Variants in IMP4 observed in about 807,000 individuals in gnomAD.
The protein encoded by IMP4 is U3 small nucleolar ribonucleoprotein IMP4.
A neutral mutation model predicts 42.7 loss-of-function variants in IMP4; 30 were observed. The observed-to-expected ratio is 0.70, with a 90% confidence interval of 0.53 to 0.95. The LOEUF (loss-of-function observed/expected upper bound fraction) is 0.95, where lower values mean the gene tolerates loss of function less well. IMP4 is among the 40% of genes least tolerant of loss of function. The pLI is 0.00. For missense variants in IMP4, 382 were observed against 411.4 expected (o/e 0.93, Z 0.62); for synonymous variants, 165 against 165.2 (o/e 1.00, Z 0.01).
Position 130,346,951 on chromosome 2 carries a change from G to A in IMP4, c.*483G>A, listed in dbSNP as rs55872863. ...TTCCTCATGTAAGTGGCATCATGTG[G>A]TATTTGTTTTGTGTCTGGCTTATTT... On this transcript the variant is annotated 3_prime_UTR_variant, in exon 9 of 9. Coordinates refer to ENST00000259239, the MANE Select transcript of IMP4 (RefSeq NM_033416.3). 0.13 allele frequency: 22,659 copies of A among 172,398 alleles called. 1,970 individuals carry two copies. The highest frequency in any genetic ancestry group is 0.19 in the Non-Finnish European group (15,133 of 78,578). 10.7% of individuals were successfully genotyped at this position (172,398 alleles called of 1,614,324 possible).
In IMP4 at chr2:130,343,476, T is replaced by C. The variant is rs1451913666; in HGVS notation, c.112+282T>C. Reference sequence around the variant, plus strand: ...CCTGTAGAAATTCTCTTTAGAGCGGTGGCTCACTGCTGTAATCCCAGCACT... The same window carrying C: ...CCTGTAGAAATTCTCTTTAGAGCGGCGGCTCACTGCTGTAATCCCAGCACT... On this transcript the variant is annotated intron_variant, in intron 2 of 8. Coordinates refer to ENST00000259239, the MANE Select transcript of IMP4 (RefSeq NM_033416.3). 1.9e-5 allele frequency: 11 copies of C among 576,182 alleles called. No individual in the cohort carries two copies. The African/African-American group carries it at 2.0e-4, about 11-fold the overall frequency. The allele number at this position is 576,182 out of a possible 1,614,324, so 35.7% of individuals were successfully genotyped here.
chr2:130,346,080 C>T lies in IMP4; in HGVS notation c.657C>T (p.Thr219=). 6.2e-7 allele frequency: 1 copy of T among 1,614,244 alleles called. No individual in the cohort carries two copies. The highest frequency in any genetic ancestry group is 1.1e-5 in the South Asian group (1 of 91,086). ...VPKDDSHRVI[T]FANQDDYISF... is the part of the protein sequence containing the mutation. ...AAGATGACAGCCACCGGGTCATCACCTTCGCAAACCAGGACGACTACATAT... is the reference window on the plus strand; with the variant it reads ...AAGATGACAGCCACCGGGTCATCACTTTCGCAAACCAGGACGACTACATAT... Residue 219 remains threonine (T), a synonymous_variant, in exon 7 of 9, where the codon ACC becomes ACT. Transcript: ENST00000259239.
rs1679312462 is a variant in IMP4, at chr2:130,344,118, G to C, written c.113-511G>C. On this transcript the variant is annotated intron_variant, in intron 2 of 8. Transcript: ENST00000259239. Reference sequence around the variant, plus strand: ...CCGAAGCGGGTGGATCACGAGGTCAGGAGATCGAGACCATCCTGGCTAACA... The same window carrying C: ...CCGAAGCGGGTGGATCACGAGGTCACGAGATCGAGACCATCCTGGCTAACA... Among the ~76,000 whole-genome samples, 3 of 152,368 alleles carry C rather than the reference G, an allele frequency of 2.0e-5. No individual in the cohort carries two copies. In the South Asian group the frequency reaches 6.2e-4, roughly 32 times the overall value.
intron 3 of IMP4, 27 bp downstream of exon 3, chr2:130,344,739 A>G (rs774636683): frequency 2.9e-5 from 44 of 1,502,420 alleles, no homozygotes; most frequent in East Asian, 4.5e-5. Context: ...GCCCTCCCCA[A>G]CACTGAGCTG....
rs1468084774 is a variant in IMP4 at position 130,343,027 on chromosome 2, C to CTCCGGGGT, written c.4-51_4-44dup. On this transcript the variant is annotated intron_variant, in intron 1 of 8. Coordinates refer to ENST00000259239, the MANE Select transcript of IMP4 (RefSeq NM_033416.3). ...ACTTGGAGGCTCAGCGGCTCCGGGG[C>CTCCGGGGT]TCCGGGGTTCCGGGGCTCGGGAGCG... The CTCCGGGGT allele has an allele frequency of 3.1e-6, 5 of 1,605,464 alleles. No individual in the cohort carries two copies. The African/African-American group carries it at 4.0e-5, about 13-fold the overall frequency.
In IMP4 at chr2:130,346,873, C is replaced by T. The variant is rs149153568; in HGVS notation, c.*405C>T. On this transcript the variant is annotated 3_prime_UTR_variant, in exon 9 of 9. Coordinates refer to ENST00000259239, the MANE Select transcript of IMP4 (RefSeq NM_033416.3). ...CCAAGTTAACTCACTGAGTGGAAGC[C>T]GCCAGTGTGCCAACGCGGAGGGGAC... 7.2e-5 allele frequency: 19 copies of T among 263,620 alleles called. No homozygotes were observed. The highest frequency in any genetic ancestry group is 3.3e-4 in the African/African-American group (15 of 46,052). The allele number at this position is 263,620 out of a possible 1,614,324, so 16.3% of individuals were successfully genotyped here. A position where few individuals can be genotyped will look rare whatever the true frequency, so the allele number is the denominator to read the frequency against.
intron 1 of IMP4, 45 bp downstream of exon 1, chr2:130,342,980 T>C: frequency 6.2e-7 from 1 of 1,613,848 alleles, no homozygotes; most frequent in Non-Finnish European, 8.5e-7. Flanking sequence ...GCGCGTGAAG[T>C]GCTGGGGATG....
rs1434973318 is a variant in IMP4 at position 130,346,843 on chromosome 2, G to A, written c.*375G>A. 3 of 289,900 alleles carry A rather than the reference G, an allele frequency of 1.0e-5. No individual in the cohort carries two copies. The highest frequency in any genetic ancestry group is 2.0e-5 in the Non-Finnish European group (3 of 148,812). 18.0% of individuals were successfully genotyped at this position (289,900 alleles called of 1,614,324 possible). ...GCAGGGCCAGCCTGTGTCAGGGGCA[G>A]CCCACCAAGTTAACTCACTGAGTGG... On this transcript the variant is annotated 3_prime_UTR_variant, in exon 9 of 9. Transcript: ENST00000259239.
At position 130,345,286 on chromosome 2, in the gene IMP4, A is replaced by T; in HGVS notation, c.197-90A>T. 1.0e-6 allele frequency: 1 copy of T among 962,224 alleles called. No individual in the cohort carries two copies. The highest frequency in any genetic ancestry group is 1.6e-6 in the Non-Finnish European group (1 of 611,916). 59.6% of individuals were successfully genotyped at this position (962,224 alleles called of 1,614,324 possible). On this transcript the variant is annotated intron_variant, in intron 3 of 8. Transcript: ENST00000259239. This position sits in a 1 kb window ranked among gnomAD's most constrained non-coding sequence, Gnocchi z 4.9. ...CATTCCTATTGTTGAAGGCTTCGGCAGACAGCGACATCCAGGCGGTCTTGG... is the reference window on the plus strand; with the variant it reads ...CATTCCTATTGTTGAAGGCTTCGGCTGACAGCGACATCCAGGCGGTCTTGG...
Position 130,347,399 on chromosome 2 carries a change from T to C in IMP4, c.*931T>C, listed in dbSNP as rs914292589. On this transcript the variant is annotated 3_prime_UTR_variant, in exon 9 of 9. Coordinates refer to ENST00000259239, the MANE Select transcript of IMP4 (RefSeq NM_033416.3). ...AACAGGTATGAGGTGATCTCTCTCA[T>C]TGCGGTTTTGATTTGCATTTCCCTA... is the stretch of plus-strand genomic sequence containing the variant. The C allele has an allele frequency of 2.6e-5, 4 of 152,212 alleles. No homozygotes were observed. Among genetic ancestry groups the C allele is most frequent in the Non-Finnish European group, 5.9e-5 (4 of 68,030 alleles). The allele number at this position is 152,212 out of a possible 1,614,324, so 9.4% of individuals were successfully genotyped here. A position where few individuals can be genotyped will look rare whatever the true frequency, so the allele number is the denominator to read the frequency against.
In IMP4 at chr2:130,345,763, C is replaced by T. The variant is rs771959858; in HGVS notation, c.440-16C>T. On this transcript the variant is annotated splice_polypyrimidine_tract_variant and intron_variant, in intron 5 of 8. Transcript: ENST00000259239. This position sits in a 1 kb window ranked among gnomAD's most constrained non-coding sequence, Gnocchi z 4.9. ...GAGGGCAGACGGGGTCTCTGACAGCCACCTTTCCCCGCCAGTGGGGCTCAT... is the reference window on the plus strand; with the variant it reads ...GAGGGCAGACGGGGTCTCTGACAGCTACCTTTCCCCGCCAGTGGGGCTCAT... 4 of 1,612,820 alleles carry T rather than the reference C, an allele frequency of 2.5e-6. No individual in the cohort carries two copies. Among genetic ancestry groups the T allele is most frequent in the Non-Finnish European group, 3.4e-6 (4 of 1,179,928 alleles).
rs372655948 is a variant in IMP4 at position 130,344,602 on chromosome 2, C to T, written c.113-27C>T. ...CTGAGGTCTCCATGCTTGTGACTCA[C>T]TCAGCCCCTCTCTCTTCCCTCTGCA... On this transcript the variant is annotated intron_variant, in intron 2 of 8. Transcript: ENST00000259239. The T allele has an allele frequency of 1.8e-5, 27 of 1,534,908 alleles. No homozygotes were observed. In the East Asian group the frequency reaches 4.0e-4, roughly 23 times the overall value.
Position 130,346,742 on chromosome 2 carries a change from C to A in IMP4, c.*274C>A. ...GGCCTGGAGTCAGTGTGGGGGTTAA[C>A]AGAGAGAGAGATTTGATGCTAACGT... On this transcript the variant is annotated 3_prime_UTR_variant, in exon 9 of 9. Transcript: ENST00000259239. The A allele has an allele frequency of 1.9e-6, 1 of 523,284 alleles. No homozygotes were observed. Among genetic ancestry groups the A allele is most frequent in the Non-Finnish European group, 3.5e-6 (1 of 287,832 alleles). The allele number at this position is 523,284 out of a possible 1,614,324, so 32.4% of individuals were successfully genotyped here. A position where few individuals can be genotyped will look rare whatever the true frequency, so the allele number is the denominator to read the frequency against.
intron 2 of IMP4, 44 bp from the exon 3 acceptor site, chr2:130,344,585 T>C: frequency 3.1e-6 from 4 of 1,299,568 alleles, no homozygotes; most frequent in Non-Finnish European, 4.5e-6. Context: ...AGCTGAGGTC[T>C]CCATGCTTGT....
At position 130,344,662 on chromosome 2, in the gene IMP4, A is replaced by AG; in HGVS notation, c.148dup (p.Ala50GlyfsTer11). On this transcript the variant is annotated frameshift_variant, in exon 3 of 9. Coordinates refer to ENST00000259239, the MANE Select transcript of IMP4 (RefSeq NM_033416.3). LOFTEE classifies it high-confidence loss of function. ...CTGATTCCCACTGAGTTACGCCGAG[A>AG]GGCTCTGGCCTTACAGGGGTCCCTG... 1 of 1,614,064 alleles carries AG rather than the reference A, an allele frequency of 6.2e-7. No homozygotes were observed. Among genetic ancestry groups the AG allele is most frequent in the Non-Finnish European group, 8.5e-7 (1 of 1,179,934 alleles).
rs921578849 is a variant in IMP4 at position 130,347,133 on chromosome 2, A to G, written c.*665A>G. The G allele has an allele frequency of 4.6e-5, 7 of 153,310 alleles. No homozygotes were observed. Among genetic ancestry groups the G allele is most frequent in the Admixed American group, 4.5e-4 (7 of 15,540 alleles). 9.5% of individuals were successfully genotyped at this position (153,310 alleles called of 1,614,324 possible). On this transcript the variant is annotated 3_prime_UTR_variant, in exon 9 of 9. Transcript: ENST00000259239. ...TTGGCAGTTGTGGAAATGCTGCAGT[A>G]AACATGGGAGTATAGCTATCTTTTG...
Position 130,345,091 on chromosome 2 carries a change from C to T in IMP4, c.197-285C>T, listed in dbSNP as rs1679419116. On this transcript the variant is annotated intron_variant, in intron 3 of 8. Coordinates refer to ENST00000259239, the MANE Select transcript of IMP4 (RefSeq NM_033416.3). This position sits in a 1 kb window ranked among gnomAD's most constrained non-coding sequence, Gnocchi z 4.9. ...AGGGAAAAGAGTTTGTCACCGTTGG[C>T]CTTAGCAGAGTGTGGATTTCGTTGT... 1.8e-6 allele frequency: 1 copy of T among 563,574 alleles called. No homozygotes were observed. The highest frequency in any genetic ancestry group is 3.1e-5 in the Admixed American group (1 of 32,378). The allele number at this position is 563,574 out of a possible 1,614,324, so 34.9% of individuals were successfully genotyped here. A position where few individuals can be genotyped will look rare whatever the true frequency, so the allele number is the denominator to read the frequency against.
Position 130,346,044 on chromosome 2 carries a change from T to C in IMP4, c.621T>C (p.Phe207=). The C allele has an allele frequency of 1.2e-6, 2 of 1,614,108 alleles. No individual in the cohort carries two copies. The highest frequency in any genetic ancestry group is 2.2e-5 in the South Asian group (2 of 91,078). Residue 207 remains phenylalanine (F), a synonymous_variant, in exon 7 of 9, where the codon TTT becomes TTC. Coordinates refer to ENST00000259239, the MANE Select transcript of IMP4 (RefSeq NM_033416.3). ...TCTCTGACATCCTCCGATACCTATT[T>C]CCCGTGCCCAAAGATGACAGCCACC... ...KRVSDILRYL[F]PVPKDDSHRV...
At position 130,345,085 on chromosome 2, in the gene IMP4, C is replaced by A; in HGVS notation, c.197-291C>A. ...GTTACGAGGGAAAAGAGTTTGTCAC[C>A]GTTGGCCTTAGCAGAGTGTGGATTT... On this transcript the variant is annotated intron_variant, in intron 3 of 8. Coordinates refer to ENST00000259239, the MANE Select transcript of IMP4 (RefSeq NM_033416.3). This position sits in a 1 kb window ranked among gnomAD's most constrained non-coding sequence, Gnocchi z 4.9. The A allele has an allele frequency of 1.8e-6, 1 of 554,912 alleles. No homozygotes were observed. The highest frequency in any genetic ancestry group is 3.1e-5 in the East Asian group (1 of 32,728). 34.4% of individuals were successfully genotyped at this position (554,912 alleles called of 1,614,324 possible).
Sources: allele counts gnomAD v4.1 joint callset (sites outside exome capture counted in the v4.1 genomes callset), GRCh38; gene constraint gnomAD v4.1.1; non-coding constraint Gnocchi (gnomAD v3.1); transcripts MANE v1.5; gene names NCBI Gene and HGNC (gene_info 2026-07-23, HGNC 2026-07-21).